The following AKR1C3 variants were observed in gnomAD, a reference collection of about 807,000 sequenced individuals.
The protein encoded by AKR1C3 is aldo-keto reductase family 1 member C3.
In AKR1C3, 48 loss-of-function variants were observed where a neutral mutation model predicts 43.6. The ratio of observed to expected loss-of-function variants is 1.10; its 90% CI spans 0.87 to 1.40. The LOEUF (loss-of-function observed/expected upper bound fraction) is 1.40. AKR1C3 is among the 40% of genes most tolerant of loss of function. The pLI, the probability that AKR1C3 is intolerant of heterozygous loss-of-function variation, is 0.00. For synonymous variants in AKR1C3, 162 were observed against 139.6 expected, an observed-to-expected ratio of 1.16 and a Z score of -1.13; for missense variants, 482 against 391.2, an observed-to-expected ratio of 1.23 and a Z score of -1.96.
chr10:5,063,386 C>A (rs1838421568), intron 1 of AKR1C3, among the ~76,000 whole-genome samples: 1 of 151,982 alleles, frequency 6.6e-6, no homozygotes, highest in African/African-American at 2.4e-5. Context: ...AGAATATACT[C>A]CACAGGAAAT....
At chr10:5,054,935 C>T (rs538422725) in intron 1 of AKR1C3, among the ~76,000 whole-genome samples, 17 of 152,354 alleles carry the variant, frequency 1.1e-4, no homozygotes, top group African/African-American at 3.4e-4. Context: ...CATGCAATAA[C>T]TCTATAATTT....
intron 1 of AKR1C3, among the ~76,000 whole-genome samples, chr10:5,069,108 C>CAATT (rs3996498): frequency 0.2 from 30,997 of 151,918 alleles, 3,210 homozygotes; most frequent in East Asian, 0.4. Flanking sequence ...ATTATTAAAC[C>CAATT]AATTTAAAAC....
At chr10:5,104,075 T>TAGTTATGTATTCATGA (rs1839431650) in intron 7 of AKR1C3, among the ~76,000 whole-genome samples, 5 of 152,248 alleles carry the variant, frequency 3.3e-5, no homozygotes, top group African/African-American at 9.6e-5. Flanking sequence ...TGTGCTGTGG[T>TAGTTATGTATTCATGA]TTTCTCTGTA....
At chr10:5,104,294 A>T (rs956678131) in intron 7 of AKR1C3, among the ~76,000 whole-genome samples, 1 of 152,188 alleles carries the variant, frequency 6.6e-6, no homozygotes, top group Non-Finnish European at 1.5e-5. Context: ...GTAAAATAAA[A>T]ACCCAAATAT....
At chr10:5,063,469 G>T (rs1554780439) in intron 1 of AKR1C3, among the ~76,000 whole-genome samples, 1 of 151,962 alleles carries the variant, frequency 6.6e-6, no homozygotes, top group Admixed American at 6.6e-5. Context: ...GAATATGAAG[G>T]ACAAAAAGCT....
At chr10:5,088,874 A>G (rs1839028383) in intron 1 of AKR1C3, among the ~76,000 whole-genome samples, 1 of 151,986 alleles carries the variant, frequency 6.6e-6, no homozygotes, top group African/African-American at 2.4e-5. Flanking sequence ...TAGAGACTCA[A>G]TTGTGCAATT....
chr10:5,061,521 G>A (rs1299335465), intron 1 of AKR1C3, among the ~76,000 whole-genome samples: 2 of 152,194 alleles, frequency 1.3e-5, no homozygotes, highest in African/African-American at 2.4e-5. Context: ...TATGGAAGAG[G>A]TTTAGAAGGA....
upstream of AKR1C3, chr10:5,094,343 G>C (rs559292212): frequency 2.4e-4 from 249 of 1,040,788 alleles, no homozygotes; most frequent in Middle Eastern, 2.6e-4. Flanking sequence ...TTAACCATCA[G>C]TCAGTTTGCA....
intron 1 of AKR1C3, among the ~76,000 whole-genome samples, chr10:5,082,431 A>G (rs1838857299): frequency 6.6e-6 from 1 of 152,008 alleles, no homozygotes. Context: ...TTTGTCCTAG[A>G]TGTCCCTTAT....
At chr10:5,092,353 T>C (rs573941673), upstream of AKR1C3, among the ~76,000 whole-genome samples, 1 of 152,064 alleles carries the variant, frequency 6.6e-6, no homozygotes. Flanking sequence ...TTTTTGATGA[T>C]TGTTTTCACC....
At chr10:5,069,832 C>G (rs1467843855) in intron 1 of AKR1C3, among the ~76,000 whole-genome samples, 1 of 152,014 alleles carries the variant, frequency 6.6e-6, no homozygotes, top group Non-Finnish European at 1.5e-5. Context: ...TGAGATCACA[C>G]CATTGCACTC....
At chr10:5,099,712 TC>T in intron 5 of AKR1C3, 1 of 500,072 alleles carries the variant, frequency 2.0e-6, no homozygotes, top group East Asian at 3.9e-5. Context: ...CCTGGAATCA[TC>T]AATTAGAACT....
chr10:5,094,562 AAAG>A, intron 1 of AKR1C3, 34 bp downstream of exon 1: 1 of 1,608,914 alleles, frequency 6.2e-7, no homozygotes, highest in Non-Finnish European at 8.5e-7. Context: ...TCGGATTTCA[AAAG>A]AATAAACCTA....
chr10:5,106,280 G>A (rs1839498174), intron 8 of AKR1C3, among the ~76,000 whole-genome samples: 1 of 152,126 alleles, frequency 6.6e-6, no homozygotes, highest in Non-Finnish European at 1.5e-5. Context: ...TTGATTTCCT[G>A]CAATATGGAG....
At chr10:5,100,652 TAA>T (rs1179399390) in intron 5 of AKR1C3, among the ~76,000 whole-genome samples, 1 of 152,186 alleles carries the variant, frequency 6.6e-6, no homozygotes, top group African/African-American at 2.4e-5. Flanking sequence ...AGCCAATGAG[TAA>T]AGATCTACCA....
chr10:5,104,475 C>A (rs12782982), intron 7 of AKR1C3, among the ~76,000 whole-genome samples: 32,746 of 151,896 alleles, frequency 0.22, 3,716 homozygotes, highest in Middle Eastern at 0.36. Context: ...CTTTTCTGTA[C>A]TGTCTAAATA....
chr10:5,078,473 A>G lies in AKR1C3; in HGVS notation c.85-17937A>G, dbSNP rs114563793. On this transcript the variant is annotated intron_variant, in intron 1 of 8. Coordinates refer to the AKR1C3 transcript ENST00000439082. The stretch of plus-strand genomic sequence containing the variant: ...AATAATAACCATAATCATAATCATA[A>G]AAGCGAGATAGTTTGTGGCAAAGTT... Among the ~76,000 whole-genome samples, 538 of 152,306 alleles carry G rather than the reference A, an allele frequency of 3.5e-3. 5 individuals carry two copies. The highest frequency in any genetic ancestry group is 0.012 in the African/African-American group (487 of 41,540).
intron 3 of AKR1C3, among the ~76,000 whole-genome samples, chr10:5,098,394 T>G (rs190795233): frequency 1.2e-3 from 180 of 152,322 alleles, no homozygotes; most frequent in Non-Finnish European, 1.9e-3. Flanking sequence ...TGATTCACAG[T>G]CCTGCCCAAA....
At chr10:5,056,417 T>C (rs1554779602) in intron 1 of AKR1C3, among the ~76,000 whole-genome samples, 1 of 152,210 alleles carries the variant, frequency 6.6e-6, no homozygotes, top group Admixed American at 6.5e-5. Context: ...TACTGCCTCA[T>C]TGATGTGTCT....
Sources: allele counts gnomAD v4.1 joint callset (sites outside exome capture counted in the v4.1 genomes callset), GRCh38; gene constraint gnomAD v4.1.1; transcripts MANE v1.5; gene names NCBI Gene and HGNC (gene_info 2026-07-23, HGNC 2026-07-21).